NRXN3: variants seen among roughly 807,000 people sequenced by gnomAD.
NRXN3 encodes neurexin III.
NRXN3 carries 32 observed loss-of-function variants against 137.6 expected under a neutral mutation model. The observed-to-expected ratio is 0.23, with a 90% CI of 0.18 to 0.31. NRXN3 has a LOEUF of 0.31. Ranked by LOEUF, NRXN3 falls within the 10% of genes least tolerant of loss-of-function variation. The probability of loss-of-function intolerance (pLI) is 1.00; values close to 1 mark genes in which losing one functional copy is unlikely to be tolerated. For missense variants in NRXN3, 1,574 were observed against 2,062.5 expected (o/e 0.76, Z 4.59); for synonymous variants, 798 against 784.5 (o/e 1.02, Z -0.29).
intron 19 of NRXN3, among the ~76,000 whole-genome samples, chr14:79,723,991 A>G (rs771030055): frequency 5.3e-5 from 8 of 152,128 alleles, no homozygotes; most frequent in Non-Finnish European, 1.0e-4. Context: ...TCCACATTAA[A>G]ATGTCTATAA....
intron 16 of NRXN3, among the ~76,000 whole-genome samples, chr14:79,605,130 TG>T (rs1380357317): frequency 2.6e-5 from 4 of 152,196 alleles, no homozygotes; most frequent in African/African-American, 9.7e-5. Flanking sequence ...TTCATGATCA[TG>T]GCTCAGCATT....
At chr14:79,241,060 T>G (rs75618238) in intron 15 of NRXN3, among the ~76,000 whole-genome samples, 227 of 152,262 alleles carry the variant, frequency 1.5e-3, no homozygotes, top group African/African-American at 5.0e-3. Flanking sequence ...CTGAATTCAC[T>G]TGGAGGAATG....
At chr14:78,939,544 A>T (rs533175251) in intron 10 of NRXN3, among the ~76,000 whole-genome samples, 1 of 152,348 alleles carries the variant, frequency 6.6e-6, no homozygotes, top group South Asian at 2.1e-4. Context: ...TGGTCCTGTT[A>T]CACCATTGCC....
At chr14:79,494,425 C>G (rs1033873247) in intron 16 of NRXN3, among the ~76,000 whole-genome samples, 3 of 152,104 alleles carry the variant, frequency 2.0e-5, no homozygotes, top group African/African-American at 7.2e-5. Flanking sequence ...ACTGGTTATA[C>G]ACAGAAAGCA....
chr14:79,185,892 C>G (rs754541528), intron 15 of NRXN3, among the ~76,000 whole-genome samples: 1 of 152,056 alleles, frequency 6.6e-6, no homozygotes, highest in African/African-American at 2.4e-5. Flanking sequence ...CATTTCCCCC[C>G]AAGATTTTAT....
intron 15 of NRXN3, among the ~76,000 whole-genome samples, chr14:79,300,661 G>A (rs1259159939): frequency 1.3e-5 from 2 of 152,044 alleles, no homozygotes; most frequent in African/African-American, 4.8e-5. Context: ...AGCAACTCTT[G>A]AGAGCTTGGA....
rs145264704 is a variant in NRXN3 at position 79,656,009 on chromosome 14, C to A, written c.3445-7769C>A. 6.6e-5 allele frequency among the ~76,000 whole-genome samples: 10 copies of A among 152,246 alleles called. No individual in the cohort carries two copies. The East Asian group carries it at 1.9e-3, about 29-fold the overall frequency. ...CAACAATTTACATGTCTAATGAGTC[C>A]GCTGGTGATACTGCTGCTGGGGGTC... On this transcript the variant is annotated intron_variant, in intron 16 of 20. Transcript: ENST00000335750.
rs1598762102 is a variant in NRXN3 at position 79,327,702 on chromosome 14, T to C, written c.3263-139519T>C. Among the ~76,000 whole-genome samples, 10 of 152,346 alleles carry C rather than the reference T, an allele frequency of 6.6e-5. 4 individuals are homozygous for C. Among genetic ancestry groups the C allele is most frequent in the Admixed American group, 6.5e-4 (10 of 15,302 alleles). On this transcript the variant is annotated intron_variant, in intron 15 of 20. Coordinates refer to ENST00000335750, the MANE Select transcript of NRXN3 (RefSeq NM_001330195.2). ...TTGCATATTATTCTGTGCTTCTTTTTATGATTAATCCCATTTACCTTGTAT... is the reference window on the plus strand; with the variant it reads ...TTGCATATTATTCTGTGCTTCTTTTCATGATTAATCCCATTTACCTTGTAT...
intron 4 of NRXN3, among the ~76,000 whole-genome samples, chr14:78,300,138 A>G (rs1163103324): frequency 6.6e-6 from 1 of 152,180 alleles, no homozygotes; most frequent in Non-Finnish European, 1.5e-5. Flanking sequence ...GAATCTTAAC[A>G]ATTTATTTTT....
rs1266154279 is a variant in NRXN3 at position 78,926,744 on chromosome 14, T to A, written c.2276-30498T>A. Among the ~76,000 whole-genome samples the A allele has an allele frequency of 8.9e-4, 54 of 60,884 alleles. 1 individual carries two copies. The highest frequency in any genetic ancestry group is 4.7e-3 in the African/African-American group (48 of 10,190). The allele number at this position is 60,884 out of a possible 152,430, so 39.9% of individuals were successfully genotyped here. On this transcript the variant is annotated intron_variant, in intron 10 of 20. Coordinates refer to ENST00000335750, the MANE Select transcript of NRXN3 (RefSeq NM_001330195.2). ...AATTATATATAATATAAAATATATATTATATATTATATATATATTATATAT... is the reference window on the plus strand; with the variant it reads ...AATTATATATAATATAAAATATATAATATATATTATATATATATTATATAT...
At chr14:79,319,356 A>T (rs2218786) in intron 15 of NRXN3, among the ~76,000 whole-genome samples, 42,395 of 151,720 alleles carry the variant, frequency 0.28, 6,994 homozygotes, top group Admixed American at 0.43. Flanking sequence ...ACTAAACTAC[A>T]CCCCCCTGAG....
intron 3 of NRXN3, among the ~76,000 whole-genome samples, chr14:78,278,971 C>T (rs2074011107): frequency 6.6e-6 from 1 of 152,132 alleles, no homozygotes. Flanking sequence ...GATATGTATT[C>T]TCCAATTTAA....
intron 1 of NRXN3, among the ~76,000 whole-genome samples, chr14:78,229,086 G>T (rs756263528): frequency 1.3e-5 from 2 of 152,110 alleles, no homozygotes; most frequent in African/African-American, 4.8e-5. Context: ...TCTAGGGATG[G>T]TCCCTTAAAT....
At chr14:78,467,388 CA>C (rs1203082218) in intron 4 of NRXN3, among the ~76,000 whole-genome samples, 1 of 152,168 alleles carries the variant, frequency 6.6e-6, no homozygotes, top group Non-Finnish European at 1.5e-5. Context: ...TTATAAACAA[CA>C]CAAGCACAAT....
chr14:79,854,442 A>T (rs977699072), intron 20 of NRXN3, among the ~76,000 whole-genome samples: 1 of 152,064 alleles, frequency 6.6e-6, no homozygotes, highest in African/African-American at 2.4e-5. Flanking sequence ...AATTTTGAAG[A>T]CTATATTTTT....
chr14:79,014,788 T>G (rs1002142263), intron 15 of NRXN3, among the ~76,000 whole-genome samples: 6 of 152,212 alleles, frequency 3.9e-5, no homozygotes, highest in African/African-American at 1.4e-4. Context: ...TAGGTGGATG[T>G]TCCTTCAATC....
At chr14:78,489,526 A>G (rs1441121924) in intron 4 of NRXN3, among the ~76,000 whole-genome samples, 1 of 152,104 alleles carries the variant, frequency 6.6e-6, no homozygotes, top group Non-Finnish European at 1.5e-5. Flanking sequence ...TGTGGGCATA[A>G]CTACTGTCTT....
At chr14:79,846,344 A>T (rs1024488497) in intron 20 of NRXN3, among the ~76,000 whole-genome samples, 2 of 152,214 alleles carry the variant, frequency 1.3e-5, no homozygotes, top group Non-Finnish European at 2.9e-5. Context: ...TAAAAAATTC[A>T]TGTGCTATCT....
At chr14:78,651,993 C>T (rs1454699928) in intron 6 of NRXN3, among the ~76,000 whole-genome samples, 1 of 152,200 alleles carries the variant, frequency 6.6e-6, no homozygotes, top group Non-Finnish European at 1.5e-5. Context: ...TAAATGCAGT[C>T]ACACAGGTGA....
Sources: gnomAD v4.1 joint callset for allele counts (sites outside exome capture counted in the v4.1 genomes callset) on GRCh38, gnomAD v4.1.1 for gene constraint, MANE v1.5 for transcripts, NCBI Gene and HGNC (gene_info 2026-07-23, HGNC 2026-07-21) for gene names.